Variants in NHEJ1 observed in about 807,000 individuals in gnomAD.
NHEJ1 encodes non-homologous end joining factor 1, also known as non-homologous end-joining factor 1.
NHEJ1 carries 22 observed loss-of-function variants against 39.4 expected under a neutral mutation model. That is an observed-to-expected ratio of 0.56 (90% CI 0.40 to 0.80). NHEJ1 has a LOEUF of 0.80. Ranked by LOEUF, NHEJ1 falls within the 30% of genes least tolerant of loss-of-function variation. The pLI is 0.00. For synonymous variants in NHEJ1, 154 were observed against 135.6 expected, an observed-to-expected ratio of 1.14 and a Z score of -0.94; for missense variants, 329 against 357.1, an observed-to-expected ratio of 0.92 and a Z score of 0.63.
chr2:219,076,139 A>G lies in NHEJ1; in HGVS notation c.*242T>C. ...ACCTAAAGTCCATGGTAGAAACCTG[A>G]ACCTACAGAACCTCCACCAAAAGAG... On this transcript the variant is annotated 3_prime_UTR_variant, in exon 8 of 8. Transcript: ENST00000356853. The G allele has an allele frequency of 1.3e-6, 1 of 789,766 alleles. No homozygotes were observed. The highest frequency in any genetic ancestry group is 2.0e-6 in the Non-Finnish European group (1 of 511,082). The allele number at this position is 789,766 out of a possible 1,614,324, so 48.9% of individuals were successfully genotyped here. A position where few individuals can be genotyped will look rare whatever the true frequency, so the allele number is the denominator to read the frequency against.
At chr2:219,118,868 T>G (rs1238566341) in intron 5 of NHEJ1, among the ~76,000 whole-genome samples, 3 of 152,136 alleles carry the variant, frequency 2.0e-5, no homozygotes, top group South Asian at 2.1e-4. Context: ...ATGACTGAGC[T>G]GTGGGAATCA....
intron 5 of NHEJ1, among the ~76,000 whole-genome samples, chr2:219,142,146 G>A (rs373721847): frequency 5.3e-5 from 8 of 152,066 alleles, no homozygotes; most frequent in African/African-American, 1.9e-4. Flanking sequence ...CTTAGCTAAG[G>A]TATTATACTG....
At chr2:219,153,815 C>T (rs987354348) in intron 3 of NHEJ1, among the ~76,000 whole-genome samples, 1 of 151,952 alleles carries the variant, frequency 6.6e-6, no homozygotes, top group African/African-American at 2.4e-5. Flanking sequence ...GTATGTTATG[C>T]TGGAGAAGTA....
intron 5 of NHEJ1, among the ~76,000 whole-genome samples, chr2:219,110,039 T>TA (rs1034212365): frequency 6.6e-6 from 1 of 152,154 alleles, no homozygotes. Context: ...ATCATGAGCT[T>TA]AAAGAGCCTA....
At chr2:219,105,554 A>G (rs1301913436) in intron 5 of NHEJ1, among the ~76,000 whole-genome samples, 1 of 152,240 alleles carries the variant, frequency 6.6e-6, no homozygotes, top group Non-Finnish European at 1.5e-5. Context: ...GTGTTCACGA[A>G]GTATTTAAAG....
intron 5 of NHEJ1, among the ~76,000 whole-genome samples, chr2:219,079,794 A>G (rs1949046093): frequency 6.6e-6 from 1 of 152,218 alleles, no homozygotes; most frequent in South Asian, 2.1e-4. Flanking sequence ...TCTCTCCTCC[A>G]TAGCCAGAGA....
intron 3 of NHEJ1, among the ~76,000 whole-genome samples, chr2:219,152,333 T>G (rs1227392897): frequency 6.6e-6 from 1 of 152,190 alleles, no homozygotes; most frequent in Non-Finnish European, 1.5e-5. Flanking sequence ...GGGAGCAGAA[T>G]GATAGGTCTC....
chr2:219,104,974 C>G lies in NHEJ1; in HGVS notation c.589-26768G>C, dbSNP rs546826396. The stretch of plus-strand genomic sequence containing the variant: ...CAGAAACACACATCAGCTGGGGTGG[C>G]AGGCAAGAACTCAGATGTATCACAG... On this transcript the variant is annotated intron_variant, in intron 5 of 7. Transcript: ENST00000356853. Among the ~76,000 whole-genome samples, 4 of 152,216 alleles carry G rather than the reference C, an allele frequency of 2.6e-5. No homozygotes were observed. In the South Asian group the frequency reaches 8.3e-4, roughly 32 times the overall value.
intron 5 of NHEJ1, among the ~76,000 whole-genome samples, chr2:219,080,524 TA>T (rs1197303232): frequency 7.0e-6 from 1 of 142,138 alleles, no homozygotes. Flanking sequence ...GACTCTGTCT[TA>T]AAAAAAAATA....
rs761028730 is a variant in NHEJ1, at chr2:219,147,787, T to C, written c.399A>G (p.Gln133=). 3.1e-6 allele frequency: 5 copies of C among 1,614,062 alleles called. No individual in the cohort carries two copies. Among genetic ancestry groups the C allele is most frequent in the South Asian group, 1.1e-5 (1 of 91,086 alleles). The change falls in exon 4 of 8, where the codon CAA becomes CAG. Residue 133 remains glutamine (Q), a synonymous_variant. Transcript: ENST00000356853. Reference sequence around the variant, plus strand: ...TGCCCATCAGAGGACGAATCAAATGTTGGGAGACCTTTGAGGGAAGAGATA... The same window carrying C: ...TGCCCATCAGAGGACGAATCAAATGCTGGGAGACCTTTGAGGGAAGAGATA... ...CMLASPSLVS[Q]HLIRPLMGMS... is the part of the protein sequence containing the mutation.
At chr2:219,097,856 G>A (rs1361190715) in intron 5 of NHEJ1, among the ~76,000 whole-genome samples, 1 of 152,220 alleles carries the variant, frequency 6.6e-6, no homozygotes, top group Non-Finnish European at 1.5e-5. Flanking sequence ...GAGACTGAAT[G>A]TGATCACCAA....
chr2:219,101,154 G>A (rs2106333277), intron 5 of NHEJ1, among the ~76,000 whole-genome samples: 1 of 152,216 alleles, frequency 6.6e-6, no homozygotes, highest in Admixed American at 6.5e-5. Flanking sequence ...TTGCTCTGTT[G>A]CCCAGGCTGG....
At chr2:219,155,754 C>T (rs922498493) in intron 3 of NHEJ1, among the ~76,000 whole-genome samples, 1 of 148,268 alleles carries the variant, frequency 6.7e-6, no homozygotes, top group Non-Finnish European at 1.5e-5. Flanking sequence ...AACCCTGTCT[C>T]TACTAAAAAA....
intron 5 of NHEJ1, among the ~76,000 whole-genome samples, chr2:219,124,091 C>T (rs1949495256): frequency 6.6e-6 from 1 of 152,140 alleles, no homozygotes; most frequent in African/African-American, 2.4e-5. Context: ...AAGACTTCAG[C>T]CTGGGACATC....
chr2:219,143,249 C>T (rs939106622), intron 5 of NHEJ1, among the ~76,000 whole-genome samples: 4 of 152,088 alleles, frequency 2.6e-5, no homozygotes, highest in Admixed American at 2.6e-4. Flanking sequence ...GACCCCATGA[C>T]CCTTCTGTGT....
intron 5 of NHEJ1, among the ~76,000 whole-genome samples, chr2:219,079,991 C>T (rs1417085008): frequency 6.6e-6 from 1 of 152,180 alleles, no homozygotes; most frequent in African/African-American, 2.4e-5. Context: ...TCCTCCTGCC[C>T]TTTCCATGGA....
intron 5 of NHEJ1, among the ~76,000 whole-genome samples, chr2:219,105,889 C>G (rs1245877227): frequency 1.3e-5 from 2 of 152,198 alleles, no homozygotes; most frequent in Non-Finnish European, 2.9e-5. Flanking sequence ...TCAGTATTTA[C>G]ATGTCCAATT....
At chr2:219,106,691 T>A (rs752645158) in intron 5 of NHEJ1, among the ~76,000 whole-genome samples, 2 of 152,166 alleles carry the variant, frequency 1.3e-5, no homozygotes, top group Non-Finnish European at 2.9e-5. Flanking sequence ...AAAGCCCTTT[T>A]ACCATTATGC....
chr2:219,159,611 A>ATATG (rs1313965775), intron 1 of NHEJ1, among the ~76,000 whole-genome samples: 21 of 105,076 alleles, frequency 2.0e-4, no homozygotes, highest in Admixed American at 1.4e-3. Flanking sequence ...GCATATATAT[A>ATATG]CATATACGTG....
Sources: gnomAD v4.1 joint callset for allele counts (sites outside exome capture counted in the v4.1 genomes callset) on GRCh38, gnomAD v4.1.1 for gene constraint, MANE v1.5 for transcripts, NCBI Gene and HGNC (gene_info 2026-07-23, HGNC 2026-07-21) for gene names.